The following CAMKMT variants were observed in gnomAD, a reference collection of about 807,000 sequenced individuals.
CAMKMT encodes CaM KMT.
In CAMKMT, 53 loss-of-function variants were observed where a neutral mutation model predicts 48.0. The ratio of observed to expected loss-of-function variants is 1.10; its 90% CI spans 0.89 to 1.39. The LOEUF (loss-of-function observed/expected upper bound fraction) is 1.39, where lower values mean the gene tolerates loss of function less well. Among genes scored for constraint, CAMKMT ranks in the 40% most tolerant of loss-of-function variants. The probability of loss-of-function intolerance (pLI) is 0.00; values close to 1 mark genes in which losing one functional copy is unlikely to be tolerated. For synonymous variants in CAMKMT, 165 were observed against 152.3 expected, an observed-to-expected ratio of 1.08 and a Z score of -0.61; for missense variants, 428 against 402.7, an observed-to-expected ratio of 1.06 and a Z score of -0.54.
intron 3 of CAMKMT, among the ~76,000 whole-genome samples, chr2:44,426,901 A>G (rs769260139): frequency 3.3e-5 from 5 of 152,230 alleles, no homozygotes; most frequent in Non-Finnish European, 7.3e-5. Context: ...CAGAGGCATC[A>G]CATTACACAA....
intron 3 of CAMKMT, among the ~76,000 whole-genome samples, chr2:44,416,318 T>C (rs569295205): frequency 6.6e-6 from 1 of 152,286 alleles, no homozygotes; most frequent in South Asian, 2.1e-4. Context: ...AGATATAATT[T>C]ACAGAAATGC....
intron 1 of CAMKMT, among the ~76,000 whole-genome samples, chr2:44,364,623 G>A (rs949556089): frequency 6.6e-6 from 1 of 152,168 alleles, no homozygotes; most frequent in Non-Finnish European, 1.5e-5. Context: ...GTCTTTAAGT[G>A]GCGCATAGCA....
rs538631197 is a variant in CAMKMT at position 44,368,207 on chromosome 2, C to G, written c.139-4509C>G. On this transcript the variant is annotated intron_variant, in intron 1 of 10. Coordinates refer to ENST00000378494, the MANE Select transcript of CAMKMT (RefSeq NM_024766.5). ...AAATGCCTTGACTATTCCTTCACCCCAGATAATTTCATTTGAATATTATTT... is the reference window on the plus strand; with the variant it reads ...AAATGCCTTGACTATTCCTTCACCCGAGATAATTTCATTTGAATATTATTT... 2.0e-5 allele frequency among the ~76,000 whole-genome samples: 3 copies of G among 152,194 alleles called. No homozygotes were observed. In the South Asian group the frequency reaches 6.2e-4, roughly 32 times the overall value.
chr2:44,562,229 A>G (rs958207558), intron 3 of CAMKMT, among the ~76,000 whole-genome samples: 1 of 152,196 alleles, frequency 6.6e-6, no homozygotes, highest in African/African-American at 2.4e-5. Flanking sequence ...TGTGTTCTAC[A>G]TCAGAATTTC....
chr2:44,704,210 C>A, intron 3 of CAMKMT, 73 bp from the exon 4 acceptor site: 1 of 1,203,192 alleles, frequency 8.3e-7, no homozygotes, highest in Non-Finnish European at 1.2e-6. Context: ...TTGTACTGAA[C>A]ATTATTTTTA....
rs1461330378 is a variant in CAMKMT at position 44,625,098 on chromosome 2, A to G, written c.377-79185A>G. Reference sequence around the variant, plus strand: ...GACTGTTCTCTAAAGTGATTGTACCATTTTACATCCCCCAGCAGTGTATGA... The same window carrying G: ...GACTGTTCTCTAAAGTGATTGTACCGTTTTACATCCCCCAGCAGTGTATGA... On this transcript the variant is annotated intron_variant, in intron 3 of 10. Transcript: ENST00000378494. 2.6e-5 allele frequency among the ~76,000 whole-genome samples: 4 copies of G among 152,200 alleles called. No homozygotes were observed. In the East Asian group the frequency reaches 7.7e-4, roughly 29 times the overall value.
chr2:44,380,342 A>T (rs1427795436), intron 2 of CAMKMT, among the ~76,000 whole-genome samples: 2 of 152,042 alleles, frequency 1.3e-5, no homozygotes, highest in Non-Finnish European at 2.9e-5. Context: ...TTATACTCTG[A>T]GTATGTTGGC....
chr2:44,546,310 A>C (rs555058772), intron 3 of CAMKMT, among the ~76,000 whole-genome samples: 1 of 152,196 alleles, frequency 6.6e-6, no homozygotes, highest in South Asian at 2.1e-4. Context: ...TTGTCCTGGA[A>C]ATTCCAACTT....
chr2:44,421,120 T>C lies in CAMKMT; in HGVS notation c.376+30815T>C, dbSNP rs575829508. 5.9e-5 allele frequency among the ~76,000 whole-genome samples: 9 copies of C among 152,240 alleles called. No homozygotes were observed. The East Asian group carries it at 9.6e-4, about 16-fold the overall frequency. ...GAAAATATTTTATGTCAGAAAAATA[T>C]TGAATTTCAAAACCATGGAAAATAG... On this transcript the variant is annotated intron_variant, in intron 3 of 10. Transcript: ENST00000378494.
chr2:44,690,608 A>G (rs904537923), intron 3 of CAMKMT, among the ~76,000 whole-genome samples: 2 of 152,220 alleles, frequency 1.3e-5, no homozygotes, highest in East Asian at 3.8e-4. Flanking sequence ...TAAGGATTAA[A>G]TGTGATCATC....
At chr2:44,381,544 A>G (rs1406728400) in intron 2 of CAMKMT, among the ~76,000 whole-genome samples, 6 of 152,224 alleles carry the variant, frequency 3.9e-5, no homozygotes, top group Non-Finnish European at 8.8e-5. Context: ...AGCAGTGTGC[A>G]CAATAGTACA....
At chr2:44,439,358 GCAAA>G (rs759335762) in intron 3 of CAMKMT, among the ~76,000 whole-genome samples, 2 of 151,910 alleles carry the variant, frequency 1.3e-5, no homozygotes, top group African/African-American at 4.8e-5. Context: ...ATTTCCATCA[GCAAA>G]CAAACATGTA....
intron 3 of CAMKMT, among the ~76,000 whole-genome samples, chr2:44,471,335 AT>A (rs1383872295): frequency 6.6e-6 from 1 of 152,054 alleles, no homozygotes; most frequent in African/African-American, 2.4e-5. Flanking sequence ...CTTTAAAAAC[AT>A]TTTTTTATAA....
In CAMKMT at chr2:44,737,315, C is replaced by T. The variant is rs571219971; in HGVS notation, c.624-6307C>T. Among the ~76,000 whole-genome samples, 4 of 152,200 alleles carry T rather than the reference C, an allele frequency of 2.6e-5. No homozygotes were observed. In the South Asian group the frequency reaches 8.3e-4, roughly 32 times the overall value. ...ATTTTTTTGTAGAGATGGGATCTTG[C>T]CATGTTGCCCATGCTGTTTTTGAAC... is the stretch of plus-strand genomic sequence containing the variant. On this transcript the variant is annotated intron_variant, in intron 7 of 10. Transcript: ENST00000378494.
chr2:44,404,474 C>CT (rs1272427755), intron 3 of CAMKMT, among the ~76,000 whole-genome samples: 2 of 152,036 alleles, frequency 1.3e-5, no homozygotes, highest in Non-Finnish European at 2.9e-5. Flanking sequence ...TAGGAGAGCA[C>CT]TAAGTTGCTA....
chr2:44,372,628 C>T (rs914334808), intron 1 of CAMKMT, 88 bp from the exon 2 acceptor site: 3 of 1,147,604 alleles, frequency 2.6e-6, no homozygotes, highest in Non-Finnish European at 3.7e-6. Context: ...GGGAAAGTCC[C>T]CTTACCACTT....
In CAMKMT at chr2:44,618,461, G is replaced by A. The variant is rs757730681; in HGVS notation, c.377-85822G>A. Among the ~76,000 whole-genome samples, 1 of 152,176 alleles carries A rather than the reference G, an allele frequency of 6.6e-6. No homozygotes were observed. The highest frequency in any genetic ancestry group is 2.1e-4 in the South Asian group (1 of 4,826). On this transcript the variant is annotated intron_variant, in intron 3 of 10. Coordinates refer to ENST00000378494, the MANE Select transcript of CAMKMT (RefSeq NM_024766.5). The surrounding 1 kb of genome is among the most constrained non-coding windows in gnomAD (Gnocchi z 4.0). ...GTAGACAAGAAGGGTGGCACTTGGG[G>A]ACCTTTTTGCTTTAGGTCGAAGGCT...
At chr2:44,374,117 C>CAAAAAAAAAAAAAAAAAAAAAAAAA (rs59922847) in intron 2 of CAMKMT, among the ~76,000 whole-genome samples, 1 of 66,390 alleles carries the variant, frequency 1.5e-5, no homozygotes, top group Non-Finnish European at 2.8e-5. Context: ...GACTCTGCCT[C>CAAAAAAAAAAAAAAAAAAAAAAAAA]AAAAAAAAAA....
At chr2:44,452,705 G>T (rs532696419) in intron 3 of CAMKMT, among the ~76,000 whole-genome samples, 64 of 151,970 alleles carry the variant, frequency 4.2e-4, no homozygotes, top group Non-Finnish European at 7.8e-4. Flanking sequence ...ATTATAATCT[G>T]TATTTACATG....
Sources: gnomAD v4.1 joint callset for allele counts (sites outside exome capture counted in the v4.1 genomes callset) on GRCh38, gnomAD v4.1.1 for gene constraint, Gnocchi (gnomAD v3.1) non-coding constraint, MANE v1.5 for transcripts, NCBI Gene and HGNC (gene_info 2026-07-23, HGNC 2026-07-21) for gene names.